CAPN8: variants seen among roughly 807,000 people sequenced by gnomAD.
CAPN8 encodes calpain-8.
Under a neutral mutation model 80.9 loss-of-function variants are expected in CAPN8, and 87 were observed. The ratio of observed to expected loss-of-function variants is 1.07; its 90% confidence interval spans 0.90 to 1.28. The LOEUF is 1.28. CAPN8 is among the 50% of genes most tolerant of loss of function. CAPN8 has a pLI of 0.00. For missense variants in CAPN8, 757 were observed against 702.0 expected (o/e 1.08, Z -0.89); for synonymous variants, 299 against 273.8 (o/e 1.09, Z -0.91).
At chr1:223,545,689 G>A (rs961717312) in intron 16 of CAPN8, among the ~76,000 whole-genome samples, 12 of 152,068 alleles carry the variant, frequency 7.9e-5, no homozygotes, top group Non-Finnish European at 1.8e-4. Flanking sequence ...AATGTTATGG[G>A]AAAAGACATC....
At position 223,541,840 on chromosome 1, in the gene CAPN8, A is replaced by G. The variant is rs906669751; in HGVS notation, c.2108T>C (p.Val703Ala). ...SLAEWLCCVLV is the reference protein window; with the variant it reads ...SLAEWLCCVLA Reference sequence around the variant, plus strand: ...ACTGATGTCCGAAACCCCGGGTCAGACCAACACGCAGCACAGCCACTGCAA... The same window carrying G: ...ACTGATGTCCGAAACCCCGGGTCAGGCCAACACGCAGCACAGCCACTGCAA... The change falls in exon 21 of 21, where the codon GTC (valine) becomes GCC (alanine). Residue 703 changes from valine to alanine, a missense_variant. Transcript: ENST00000366872. 1.1e-5 allele frequency: 17 copies of G among 1,551,160 alleles called. No homozygotes were observed. Among genetic ancestry groups the G allele is most frequent in the Non-Finnish European group, 1.4e-5 (16 of 1,146,846 alleles).
At chr1:223,622,588 T>C in intron 7 of CAPN8, 1 of 552,218 alleles carries the variant, frequency 1.8e-6, no homozygotes, top group Admixed American at 3.5e-5. Context: ...CGCCAAACTT[T>C]CAAATGCCAA....
chr1:223,626,768 G>T (rs1657593828), intron 5 of CAPN8, among the ~76,000 whole-genome samples: 3 of 152,108 alleles, frequency 2.0e-5, no homozygotes, highest in Non-Finnish European at 4.4e-5. Flanking sequence ...GGAAATTGGG[G>T]CTCCTGCAAT....
intron 9 of CAPN8, among the ~76,000 whole-genome samples, chr1:223,619,010 T>C (rs187003220): frequency 6.6e-6 from 1 of 152,130 alleles, no homozygotes; most frequent in Middle Eastern, 3.2e-3. Flanking sequence ...GGCAACATGG[T>C]GAGACCCTGT....
chr1:223,638,530 C>G (rs1417765016), intron 2 of CAPN8, among the ~76,000 whole-genome samples: 1 of 152,202 alleles, frequency 6.6e-6, no homozygotes, highest in East Asian at 1.9e-4. Context: ...GCTTCTCTCT[C>G]CCCGCCTGAG....
rs1443472034 is a variant in CAPN8, at chr1:223,649,660, C to G, written c.307+4670G>C. ...TTTTTATTCTAAATGCCTGATCCAT[C>G]TTAATTGCCAAAAGTGATACTGGCA... On this transcript the variant is annotated intron_variant, in intron 2 of 20. Coordinates refer to ENST00000366872, the MANE Select transcript of CAPN8 (RefSeq NM_001143962.2). Among the ~76,000 whole-genome samples the G allele has an allele frequency of 2.0e-5, 3 of 152,298 alleles. No individual in the cohort carries two copies. The East Asian group carries it at 5.8e-4, about 29-fold the overall frequency.
At chr1:223,544,012 C>T in intron 19 of CAPN8, 55 bp downstream of exon 19, 1 of 711,142 alleles carries the variant, frequency 1.4e-6, no homozygotes, top group Admixed American at 2.0e-5. Flanking sequence ...CCTGCCCCTG[C>T]CCCACCTTGC....
At position 223,628,745 on chromosome 1, in the gene CAPN8, T is replaced by G. The variant is rs1657680919; in HGVS notation, c.343A>C (p.Thr115Pro). 6.4e-7 allele frequency: 1 copy of G among 1,553,946 alleles called. No individual in the cohort carries two copies. Among genetic ancestry groups the G allele is most frequent in the Non-Finnish European group, 8.7e-7 (1 of 1,148,446 alleles). The change falls in exon 3 of 21, where the codon ACC becomes CCC. Residue 115 changes from threonine (T) to proline (P), a missense_variant. Transcript: ENST00000366872. ...CWLLAAIASL[T>P]LNEELLYRVV... ...CGGTAAAGCAGCTCTTCATTCAGGG[T>G]CAGGGAGGCAATGGCAGCCAGAAGC...
intron 11 of CAPN8, among the ~76,000 whole-genome samples, chr1:223,611,517 A>T (rs1657030379): frequency 6.6e-6 from 1 of 152,198 alleles, no homozygotes; most frequent in Admixed American, 6.5e-5. Flanking sequence ...CTCACTGACT[A>T]TGAGGTAGCC....
At chr1:223,549,979 A>C (rs1019711857) in intron 15 of CAPN8, among the ~76,000 whole-genome samples, 1 of 152,176 alleles carries the variant, frequency 6.6e-6, no homozygotes, top group Non-Finnish European at 1.5e-5. Context: ...CAAAGCTAGG[A>C]GTTAAATGCA....
chr1:223,661,937 G>A (rs1308261615), intron 1 of CAPN8, among the ~76,000 whole-genome samples: 1 of 152,080 alleles, frequency 6.6e-6, no homozygotes, highest in Non-Finnish European at 1.5e-5. Context: ...ATGGACAAAT[G>A]AATAAACAAA....
Position 223,656,670 on chromosome 1 carries a change from T to TG in CAPN8, c.238-2272_238-2271insC, listed in dbSNP as rs1195716560. On this transcript the variant is annotated intron_variant, in intron 1 of 20. Transcript: ENST00000366872. ...TTATGTACATACACACGTTTTGGGT[T>TG]TTTTTGTTTTGTTTTTTTTTTTTTT... 1.7e-3 allele frequency among the ~76,000 whole-genome samples: 113 copies of TG among 68,054 alleles called. 1 individual carries two copies. Among genetic ancestry groups the TG allele is most frequent in the African/African-American group, 4.7e-3 (104 of 22,046 alleles). 44.6% of individuals were successfully genotyped at this position (68,054 alleles called of 152,430 possible).
chr1:223,624,064 T>G (rs554956080), intron 6 of CAPN8, among the ~76,000 whole-genome samples: 1 of 151,782 alleles, frequency 6.6e-6, no homozygotes, highest in East Asian at 1.9e-4. Context: ...AGAACATCTG[T>G]TTCATTTAAC....
chr1:223,628,891 G>C, intron 2 of CAPN8, 111 bp from the exon 3 acceptor site: 1 of 747,774 alleles, frequency 1.3e-6, no homozygotes. Context: ...ATTCCCTTCT[G>C]AGTCAGGTAG....
chr1:223,557,769 C>T (rs1044445515), intron 13 of CAPN8, among the ~76,000 whole-genome samples: 8 of 152,150 alleles, frequency 5.3e-5, no homozygotes, highest in Non-Finnish European at 1.0e-4. Context: ...ATCATTTGTC[C>T]TCCAAAAGAC....
chr1:223,546,885 GGTTGTTGTT>G (rs66949236), intron 16 of CAPN8, among the ~76,000 whole-genome samples: 17,546 of 149,866 alleles, frequency 0.12, 1,072 homozygotes, highest in South Asian at 0.16. Flanking sequence ...TTTGTTTTGT[GGTTGTTGTT>G]GTTGTTGTTG....
intron 1 of CAPN8, among the ~76,000 whole-genome samples, chr1:223,664,111 G>A (rs1209476964): frequency 1.3e-5 from 2 of 152,150 alleles, no homozygotes; most frequent in Admixed American, 1.3e-4. Flanking sequence ...ACTTGACAAG[G>A]GTCACATAGT....
chr1:223,638,800 T>A (rs1346868679), intron 2 of CAPN8, among the ~76,000 whole-genome samples: 1 of 152,212 alleles, frequency 6.6e-6, no homozygotes, highest in African/African-American at 2.4e-5. Flanking sequence ...CCTAATCCAT[T>A]CACCCCGTTA....
intron 2 of CAPN8, among the ~76,000 whole-genome samples, chr1:223,648,779 T>C (rs1456148750): frequency 6.6e-6 from 1 of 152,092 alleles, no homozygotes; most frequent in Non-Finnish European, 1.5e-5. Context: ...ATCCATTTCA[T>C]AGAGGTGAAG....
Sources: allele counts gnomAD v4.1 joint callset (sites outside exome capture counted in the v4.1 genomes callset), GRCh38; gene constraint gnomAD v4.1.1; transcripts MANE v1.5; gene names NCBI Gene and HGNC (gene_info 2026-07-23, HGNC 2026-07-21).